Variants in EFCAB11 observed in about 807,000 individuals in gnomAD.
EFCAB11 encodes the protein EF-hand calcium-binding domain-containing protein 11.
Under a neutral mutation model 23.0 loss-of-function variants are expected in EFCAB11, and 14 were observed. The ratio of observed to expected loss-of-function variants is 0.61; its 90% CI spans 0.40 to 0.95. The LOEUF (loss-of-function observed/expected upper bound fraction) is 0.95. Among genes scored for constraint, EFCAB11 ranks in the 40% least tolerant of loss-of-function variants. EFCAB11 has a pLI of 0.00. For missense variants in EFCAB11, 198 were observed against 195.8 expected (o/e 1.01, Z -0.07); for synonymous variants, 65 against 66.6 (o/e 0.98, Z 0.11).
chr14:89,811,670 A>T (rs1342172754), intron 5 of EFCAB11, among the ~76,000 whole-genome samples: 1 of 152,176 alleles, frequency 6.6e-6, no homozygotes, highest in Non-Finnish European at 1.5e-5. Context: ...CAAGGAAGGC[A>T]GGGGCCTCTG....
At chr14:89,810,529 G>A (rs1178060165) in intron 5 of EFCAB11, among the ~76,000 whole-genome samples, 2 of 152,094 alleles carry the variant, frequency 1.3e-5, no homozygotes, top group African/African-American at 4.8e-5. Flanking sequence ...GCAGAGGTGG[G>A]TGGATCACCT....
At chr14:89,861,596 G>A (rs941081908) in intron 5 of EFCAB11, among the ~76,000 whole-genome samples, 4 of 152,110 alleles carry the variant, frequency 2.6e-5, no homozygotes, top group African/African-American at 9.7e-5. Flanking sequence ...TGGTTTAAAT[G>A]TGTCCCCCAA....
intron 5 of EFCAB11, among the ~76,000 whole-genome samples, chr14:89,797,610 C>T (rs537235053): frequency 9.9e-5 from 15 of 152,270 alleles, no homozygotes; most frequent in Non-Finnish European, 2.1e-4. Flanking sequence ...TTCTAATTAT[C>T]TTACACATGT....
chr14:89,912,192 T>C (rs943110212), intron 5 of EFCAB11, among the ~76,000 whole-genome samples: 2 of 152,104 alleles, frequency 1.3e-5, no homozygotes, highest in African/African-American at 4.8e-5. Flanking sequence ...GGTAAAATGG[T>C]TTCATTGAAA....
At chr14:89,836,870 T>C in intron 5 of EFCAB11, 1 of 369,572 alleles carries the variant, frequency 2.7e-6, no homozygotes, top group South Asian at 2.1e-5. Context: ...AATTAAAAAA[T>C]TAGGCGGCTG....
At chr14:89,860,256 C>A (rs1408005398) in intron 5 of EFCAB11, among the ~76,000 whole-genome samples, 1 of 152,040 alleles carries the variant, frequency 6.6e-6, no homozygotes, top group African/African-American at 2.4e-5. Context: ...CCCTGTTACT[C>A]GGGAGACTGA....
intron 5 of EFCAB11, among the ~76,000 whole-genome samples, chr14:89,839,335 A>G (rs987882737): frequency 6.6e-6 from 1 of 152,192 alleles, no homozygotes; most frequent in Non-Finnish European, 1.5e-5. Flanking sequence ...CTGAGTGAGA[A>G]CAAATAAAGA....
chr14:89,856,201 T>TC (rs1887747863), intron 5 of EFCAB11, among the ~76,000 whole-genome samples: 1 of 151,718 alleles, frequency 6.6e-6, no homozygotes, highest in African/African-American at 2.4e-5. Context: ...TCTTTTTTTT[T>TC]TTTTTGAGAC....
intron 5 of EFCAB11, among the ~76,000 whole-genome samples, chr14:89,910,562 A>G (rs1227747385): frequency 6.6e-6 from 1 of 152,034 alleles, no homozygotes; most frequent in Non-Finnish European, 1.5e-5. Flanking sequence ...GTGTCACTGC[A>G]CTCCAGCCTG....
At chr14:89,954,287 CTGGAGTTAGGAAGGTGAGG>C in intron 1 of EFCAB11, 1 of 1,475,112 alleles carries the variant, frequency 6.8e-7, no homozygotes, top group Non-Finnish European at 9.2e-7. Context: ...AAATTCAGTC[CTGGAGTTAGGAAGGTGAGG>C]CAAAGGGGCT....
At chr14:89,875,499 T>C (rs1566792915) in intron 5 of EFCAB11, among the ~76,000 whole-genome samples, 1 of 152,090 alleles carries the variant, frequency 6.6e-6, no homozygotes, top group Non-Finnish European at 1.5e-5. Context: ...TGGAGACAGA[T>C]ATGGGTGGTA....
At chr14:89,811,493 A>G (rs558106550) in intron 5 of EFCAB11, among the ~76,000 whole-genome samples, 1 of 152,322 alleles carries the variant, frequency 6.6e-6, no homozygotes, top group East Asian at 1.9e-4. Context: ...AGACAGAATT[A>G]AGGTTGCTGA....
At chr14:89,943,113 C>T (rs924159723) in intron 3 of EFCAB11, among the ~76,000 whole-genome samples, 12 of 152,118 alleles carry the variant, frequency 7.9e-5, no homozygotes, top group African/African-American at 2.9e-4. Flanking sequence ...TGTGTTAGAG[C>T]CCTGTTCCGA....
intron 3 of EFCAB11, among the ~76,000 whole-genome samples, chr14:89,933,707 A>C (rs1479925190): frequency 6.6e-6 from 1 of 152,204 alleles, no homozygotes; most frequent in Non-Finnish European, 1.5e-5. Flanking sequence ...TCCAGTCCCA[A>C]GGGAGCTACT....
chr14:89,942,151 G>A (rs1890817311), intron 3 of EFCAB11, among the ~76,000 whole-genome samples: 1 of 152,140 alleles, frequency 6.6e-6, no homozygotes, highest in African/African-American at 2.4e-5. Context: ...TTCCTGTTAA[G>A]TCTGTGGAAC....
At chr14:89,810,170 A>G (rs888074434) in intron 5 of EFCAB11, among the ~76,000 whole-genome samples, 3 of 152,150 alleles carry the variant, frequency 2.0e-5, no homozygotes, top group Non-Finnish European at 4.4e-5. Flanking sequence ...AGTATTTGGC[A>G]CAGTGTCTGG....
intron 2 of EFCAB11, among the ~76,000 whole-genome samples, chr14:89,951,683 G>A (rs1322283892): frequency 2.6e-5 from 4 of 151,808 alleles, no homozygotes; most frequent in South Asian, 2.1e-4. Context: ...TGAGGTGGGC[G>A]GATCACTTGA....
intron 3 of EFCAB11, among the ~76,000 whole-genome samples, chr14:89,933,859 G>A (rs1052299126): frequency 5.3e-5 from 8 of 152,224 alleles, no homozygotes; most frequent in African/African-American, 1.9e-4. Context: ...AGACTCTGGT[G>A]ACAGAGAGAG....
chr14:89,863,936 T>A (rs907052542), intron 5 of EFCAB11, among the ~76,000 whole-genome samples: 1 of 152,244 alleles, frequency 6.6e-6, no homozygotes, highest in Non-Finnish European at 1.5e-5. Context: ...TAAACTTAGA[T>A]AAGATAGCAA....
Sources: gnomAD v4.1 joint callset for allele counts (sites outside exome capture counted in the v4.1 genomes callset) on GRCh38, gnomAD v4.1.1 for gene constraint, MANE v1.5 for transcripts, NCBI Gene and HGNC (gene_info 2026-07-23, HGNC 2026-07-21) for gene names.